The following NRXN3 variants were observed in gnomAD, a reference collection of about 807,000 sequenced individuals.
NRXN3 encodes neurexin III.
NRXN3 carries 32 observed loss-of-function variants against 137.6 expected under a neutral mutation model. The observed-to-expected ratio is 0.23, with a 90% confidence interval of 0.18 to 0.31. NRXN3 has a LOEUF of 0.31. Among genes scored for constraint, NRXN3 ranks in the 10% least tolerant of loss-of-function variants. NRXN3 has a pLI of 1.00. For missense variants in NRXN3, 1,574 were observed against 2,062.5 expected (o/e 0.76, Z 4.59); for synonymous variants, 798 against 784.5 (o/e 1.02, Z -0.29).
At chr14:79,205,472 C>G (rs188164152) in intron 15 of NRXN3, among the ~76,000 whole-genome samples, 1 of 152,146 alleles carries the variant, frequency 6.6e-6, no homozygotes, top group Non-Finnish European at 1.5e-5. Context: ...AAGTTTGTTA[C>G]TCAATCTTAT....
chr14:79,387,339 G>T (rs553924059), intron 15 of NRXN3, among the ~76,000 whole-genome samples: 1 of 152,064 alleles, frequency 6.6e-6, no homozygotes, highest in African/African-American at 2.4e-5. Context: ...GCAGCCAAAA[G>T]AAACATGAAA....
rs1431111655 is a variant in NRXN3 at position 79,697,634 on chromosome 14, G to A, written c.3711G>A (p.Arg1237=). ...TTCCTCCACCCAACCCACTAGGCCG[G>A]CAGTTAACCATCTTCAACACTCAGG... is the stretch of plus-strand genomic sequence containing the variant. ...PVEEWLQEKG[R]QLTIFNTQAQ... is the part of the protein sequence containing the mutation. Residue 1237 remains arginine (R), a synonymous_variant, in exon 19 of 21, where the codon CGG becomes CGA. Transcript: ENST00000335750. The A allele has an allele frequency of 6.2e-7, 1 of 1,610,650 alleles. No homozygotes were observed. The highest frequency in any genetic ancestry group is 1.1e-5 in the South Asian group (1 of 90,954).
chr14:78,834,534 G>A (rs2098990997), intron 10 of NRXN3, among the ~76,000 whole-genome samples: 1 of 152,170 alleles, frequency 6.6e-6, no homozygotes, highest in African/African-American at 2.4e-5. Context: ...TAACTCCTGG[G>A]AAGCTGGCCT....
intron 15 of NRXN3, among the ~76,000 whole-genome samples, chr14:79,118,788 C>T (rs1329496414): frequency 2.0e-5 from 3 of 152,060 alleles, no homozygotes; most frequent in African/African-American, 7.2e-5. Context: ...AATTAACACC[C>T]CTATGTACCC....
chr14:78,567,202 G>A (rs2096844101), intron 4 of NRXN3, among the ~76,000 whole-genome samples: 1 of 152,198 alleles, frequency 6.6e-6, no homozygotes, highest in Non-Finnish European at 1.5e-5. Flanking sequence ...TCATAGAATG[G>A]GGATTCTGAG....
chr14:78,781,377 C>A lies in NRXN3; in HGVS notation c.2045-22243C>A, dbSNP rs1055542901. Among the ~76,000 whole-genome samples, 6 of 152,088 alleles carry A rather than the reference C, an allele frequency of 3.9e-5. No individual in the cohort carries two copies. The East Asian group carries it at 1.2e-3, about 29-fold the overall frequency. On this transcript the variant is annotated intron_variant, in intron 8 of 20. Coordinates refer to ENST00000335750, the MANE Select transcript of NRXN3 (RefSeq NM_001330195.2). ...CAAAAAGAATCTGAAACAAATATAC[C>A]AGAATGTTAGGAATTAATAAAAACC...
intron 3 of NRXN3, among the ~76,000 whole-genome samples, chr14:78,297,164 T>TG (rs34056782): frequency 6.6e-6 from 1 of 152,092 alleles, no homozygotes; most frequent in Non-Finnish European, 1.5e-5. Flanking sequence ...GGAAAGATGG[T>TG]GGGGGAGAAG....
intron 8 of NRXN3, among the ~76,000 whole-genome samples, chr14:78,742,841 A>T (rs2098585617): frequency 6.6e-6 from 1 of 152,224 alleles, no homozygotes; most frequent in African/African-American, 2.4e-5. Context: ...TAACGATAAG[A>T]ATGTTCTTCT....
intron 15 of NRXN3, among the ~76,000 whole-genome samples, chr14:79,148,459 A>G (rs1469558803): frequency 6.6e-6 from 1 of 152,120 alleles, no homozygotes; most frequent in Non-Finnish European, 1.5e-5. Context: ...ATGTGTTTGC[A>G]CTTCTAGCTC....
At chr14:79,064,803 A>ATGTGTGTG (rs370697827) in intron 15 of NRXN3, among the ~76,000 whole-genome samples, 1 of 129,244 alleles carries the variant, frequency 7.7e-6, no homozygotes, top group Non-Finnish European at 1.6e-5. Context: ...ACCCATATAT[A>ATGTGTGTG]TGTGTGTGTG....
chr14:79,663,345 G>T (rs1012252476), intron 16 of NRXN3, among the ~76,000 whole-genome samples: 1 of 151,886 alleles, frequency 6.6e-6, no homozygotes, highest in Non-Finnish European at 1.5e-5. Flanking sequence ...GCTTTGCCTT[G>T]ATCGCATGAA....
At chr14:78,754,284 G>A (rs36052103) in intron 8 of NRXN3, among the ~76,000 whole-genome samples, 1 of 152,152 alleles carries the variant, frequency 6.6e-6, no homozygotes, top group African/African-American at 2.4e-5. Context: ...CACTATGGTG[G>A]GGTTACAAGG....
At chr14:78,265,904 C>G (rs1019880731) in intron 2 of NRXN3, among the ~76,000 whole-genome samples, 2 of 152,226 alleles carry the variant, frequency 1.3e-5, no homozygotes, top group Admixed American at 6.5e-5. Flanking sequence ...TGGCTAGACT[C>G]TAAGTTCCAA....
At chr14:78,445,089 C>G (rs549289784) in intron 4 of NRXN3, among the ~76,000 whole-genome samples, 72 of 152,172 alleles carry the variant, frequency 4.7e-4, no homozygotes, top group African/African-American at 1.7e-3. Context: ...GTTTTGCGAA[C>G]CAATTAACTA....
chr14:79,408,978 T>C (rs2095364907), intron 15 of NRXN3, among the ~76,000 whole-genome samples: 1 of 152,140 alleles, frequency 6.6e-6, no homozygotes, highest in Non-Finnish European at 1.5e-5. Context: ...ATTAGAATAG[T>C]TACCAGAAAT....
chr14:79,240,122 C>T (rs190635067), intron 15 of NRXN3, among the ~76,000 whole-genome samples: 3 of 152,264 alleles, frequency 2.0e-5, no homozygotes, highest in Admixed American at 2.0e-4. Flanking sequence ...TCATTCTATA[C>T]TGTACAGATA....
intron 4 of NRXN3, among the ~76,000 whole-genome samples, chr14:78,406,497 T>C (rs1315229733): frequency 6.6e-6 from 1 of 152,102 alleles, no homozygotes; most frequent in Non-Finnish European, 1.5e-5. Flanking sequence ...GTAAGACTAA[T>C]AGAGAATAAA....
chr14:79,298,424 G>A (rs1318236720), intron 15 of NRXN3, among the ~76,000 whole-genome samples: 1 of 152,042 alleles, frequency 6.6e-6, no homozygotes, highest in African/African-American at 2.4e-5. Context: ...AGCTACAGAA[G>A]GCCAGGTGAT....
rs765721318 is a variant in NRXN3 at position 79,861,580 on chromosome 14, G to A, written c.4332G>A (p.Pro1444=). ...CCCAGCCTGATATAGTCTTGCTTCCGTTGCCCACTGCCTATGAGCTAGACA... is the reference window on the plus strand; with the variant it reads ...CCCAGCCTGATATAGTCTTGCTTCCATTGCCCACTGCCTATGAGCTAGACA... ...LKPQPDIVLL[P]LPTAYELDST... The change falls in exon 21 of 21, where the codon CCG becomes CCA. Residue 1444 remains proline (P), a synonymous_variant. Transcript: ENST00000335750. The surrounding 1 kb of genome is among the most constrained non-coding windows in gnomAD (Gnocchi z 5.4). 30 of 1,606,592 alleles carry A rather than the reference G, an allele frequency of 1.9e-5. No individual in the cohort carries two copies. The highest frequency in any genetic ancestry group is 2.3e-5 in the Non-Finnish European group (27 of 1,176,908).
Sources: gnomAD v4.1 joint callset for allele counts (sites outside exome capture counted in the v4.1 genomes callset) on GRCh38, gnomAD v4.1.1 for gene constraint, Gnocchi (gnomAD v3.1) non-coding constraint, MANE v1.5 for transcripts, NCBI Gene and HGNC (gene_info 2026-07-23, HGNC 2026-07-21) for gene names.